Variants in HDAC8 observed in about 807,000 individuals in gnomAD.
HDAC8 encodes the protein histone deacetylase-like 1.
HDAC8 carries 1 observed loss-of-function variant against 32.2 expected under a neutral mutation model. The observed-to-expected ratio is 0.03, with a 90% CI of 0.01 to 0.15. The LOEUF (loss-of-function observed/expected upper bound fraction) is 0.15, where lower values mean the gene tolerates loss of function less well. HDAC8 is among the 10% of genes least tolerant of loss of function. The pLI, the probability that HDAC8 is intolerant of heterozygous loss-of-function variation, is 1.00. For synonymous variants in HDAC8, 108 were observed against 113.9 expected, an observed-to-expected ratio of 0.95 and a Z score of 0.33; for missense variants, 117 against 300.0, an observed-to-expected ratio of 0.39 and a Z score of 4.51.
chrX:72,353,337 A>G (rs951592409), intron 9 of HDAC8, among the ~76,000 whole-genome samples: 1 of 112,276 alleles, frequency 8.9e-6, no homozygotes, highest in Admixed American at 9.4e-5. Flanking sequence ...GCCAATGTTT[A>G]TAATGCCCTT....
intron 9 of HDAC8, among the ~76,000 whole-genome samples, chrX:72,413,798 T>G (rs1305075210): frequency 8.9e-6 from 1 of 112,117 alleles, no homozygotes; most frequent in African/African-American, 3.2e-5. Context: ...GTAAGTTTCC[T>G]GAGGCCTCAC....
intron 4 of HDAC8, among the ~76,000 whole-genome samples, chrX:72,504,271 T>G (rs782579415): frequency 8.9e-6 from 1 of 112,168 alleles, no homozygotes; most frequent in South Asian, 3.7e-4. Flanking sequence ...AACCTAGTTC[T>G]AAAACATTTC....
chrX:72,509,523 A>C (rs2147324825), intron 4 of HDAC8, among the ~76,000 whole-genome samples: 1 of 112,264 alleles, frequency 8.9e-6, no homozygotes, highest in South Asian at 3.7e-4. Flanking sequence ...AATATGATAT[A>C]CACATAAAGT....
At chrX:72,362,845 G>T (rs926654163) in intron 9 of HDAC8, among the ~76,000 whole-genome samples, 30 of 111,994 alleles carry the variant, frequency 2.7e-4, no homozygotes, top group Non-Finnish European at 7.5e-5. Flanking sequence ...AAGCCAGAAA[G>T]AGTGGCAGAG....
intron 9 of HDAC8, among the ~76,000 whole-genome samples, chrX:72,368,058 C>G (rs916096891): frequency 1.7e-4 from 19 of 113,099 alleles, no homozygotes; most frequent in African/African-American, 6.1e-4. Context: ...GGCAGGGAAG[C>G]AAAGGTCATG....
At chrX:72,427,602 T>TGGGGGGG (rs58102359) in intron 9 of HDAC8, among the ~76,000 whole-genome samples, 6 of 32,958 alleles carry the variant, frequency 1.8e-4, no homozygotes, top group African/African-American at 2.4e-4. Context: ...TGTTGTGGGG[T>TGGGGGGG]GGGGGGGGGG....
At position 72,567,906 on chromosome X, in the gene HDAC8, C is replaced by T. The variant is rs1479389359; in HGVS notation, c.420G>A (p.Gly140=). The T allele has an allele frequency of 8.3e-7, 1 of 1,209,956 alleles. No individual in the cohort carries two copies. The highest frequency in any genetic ancestry group is 1.7e-5 in the African/African-American group (1 of 57,147). ...TTTCTTACTTCTTTGCATGATGCCA[C>T]CCTCCAGACCAGTTAATTGCTACTT... ...MCKVAINWSG[G]WHHAKKDEAS... Residue 140 remains glycine (G), a synonymous_variant, in exon 4 of 11, where the codon GGG becomes GGA. Transcript: ENST00000373573.
chrX:72,461,544 G>C (rs1043532056), intron 9 of HDAC8, among the ~76,000 whole-genome samples: 1 of 111,444 alleles, frequency 9.0e-6, no homozygotes, highest in Non-Finnish European at 1.9e-5. Context: ...AGTGCTTGTG[G>C]GTTTCTTGAA....
At chrX:72,362,141 G>C (rs2044570840) in intron 9 of HDAC8, among the ~76,000 whole-genome samples, 1 of 111,465 alleles carries the variant, frequency 9.0e-6, no homozygotes, top group Non-Finnish European at 1.9e-5. Flanking sequence ...GTTGGAGGTG[G>C]GGCCTGGTGG....
chrX:72,552,106 A>G (rs1164148993), intron 4 of HDAC8, among the ~76,000 whole-genome samples: 1 of 112,261 alleles, frequency 8.9e-6, no homozygotes. Flanking sequence ...AAGTAATACA[A>G]TCACGTTAGA....
At chrX:72,407,164 G>A (rs2046062293) in intron 9 of HDAC8, among the ~76,000 whole-genome samples, 1 of 112,723 alleles carries the variant, frequency 8.9e-6, no homozygotes, top group Non-Finnish European at 1.9e-5. Flanking sequence ...CTAGAGATGG[G>A]TAGGTTACCC....
At chrX:72,439,523 T>G (rs2047053581) in intron 9 of HDAC8, among the ~76,000 whole-genome samples, 1 of 107,819 alleles carries the variant, frequency 9.3e-6, no homozygotes, top group Non-Finnish European at 1.9e-5. Flanking sequence ...ACTGGCAAAC[T>G]GGATAAAGAG....
Position 72,534,412 on chromosome X carries a change from G to T in HDAC8, c.437+33477C>A, listed in dbSNP as rs782378569. 3.7e-5 allele frequency among the ~76,000 whole-genome samples: 4 copies of T among 107,482 alleles called. No individual in the cohort carries two copies. The Admixed American group carries it at 4.0e-4, about 11-fold the overall frequency. 93.3% of individuals were successfully genotyped at this position (107,482 alleles called of 115,157 possible). A position where few individuals can be genotyped will look rare whatever the true frequency, so the allele number is the denominator to read the frequency against. ...CAACCTCCAACTCCTGGGTTCAAGC[G>T]ATTCTTGTGCCTCAGCCTCCCGAAT... On this transcript the variant is annotated intron_variant, in intron 4 of 10. Transcript: ENST00000373573.
intron 7 of HDAC8, among the ~76,000 whole-genome samples, chrX:72,483,084 T>G (rs1232084038): frequency 8.9e-6 from 1 of 112,001 alleles, no homozygotes; most frequent in Non-Finnish European, 1.9e-5. Flanking sequence ...AAAATGCTTT[T>G]ATTATACTTA....
rs1321975630 is a variant in HDAC8 at position 72,559,526 on chromosome X, C to T, written c.437+8363G>A. On this transcript the variant is annotated intron_variant, in intron 4 of 10. Transcript: ENST00000373573. Reference sequence around the variant, plus strand: ...GAAGTGAGGAGCGTCTCTGCCTGGCCGCCCATCGTCTGGGATGTGAGGAGC... The same window carrying T: ...GAAGTGAGGAGCGTCTCTGCCTGGCTGCCCATCGTCTGGGATGTGAGGAGC... 3.3e-3 allele frequency among the ~76,000 whole-genome samples: 366 copies of T among 110,015 alleles called. 4 individuals are homozygous for T. Among genetic ancestry groups the T allele is most frequent in the Middle Eastern group, 4.8e-3 (1 of 210 alleles).
At chrX:72,399,237 T>G (rs1555966586) in intron 9 of HDAC8, among the ~76,000 whole-genome samples, 2 of 111,799 alleles carry the variant, frequency 1.8e-5, no homozygotes, top group African/African-American at 6.5e-5. Flanking sequence ...TATTAAAGAA[T>G]TCACTCTTTC....
At chrX:72,533,647 T>C (rs369928081) in intron 4 of HDAC8, among the ~76,000 whole-genome samples, 1 of 111,351 alleles carries the variant, frequency 9.0e-6, no homozygotes, top group South Asian at 3.8e-4. Context: ...ATCCAGCAAA[T>C]ATATTAAAAT....
intron 9 of HDAC8, among the ~76,000 whole-genome samples, chrX:72,408,554 G>A (rs186258350): frequency 1.8e-5 from 2 of 111,286 alleles, no homozygotes; most frequent in Admixed American, 9.5e-5. Context: ...ACAGGTATGT[G>A]CTGCCACACC....
rs114715864 is a variant in HDAC8, at chrX:72,507,761, G to A, written c.438-12493C>T. The stretch of plus-strand genomic sequence containing the variant: ...ATGGAAGAGACCAGGTTCTGCAAAC[G>A]TATTTCTGAAAGCACATTTCTGAAA... On this transcript the variant is annotated intron_variant, in intron 4 of 10. Transcript: ENST00000373573. Among the ~76,000 whole-genome samples the A allele has an allele frequency of 7.4e-3, 828 of 112,341 alleles. 12 individuals are homozygous for A. Among genetic ancestry groups the A allele is most frequent in the African/African-American group, 0.025 (781 of 30,985 alleles).
Sources: gnomAD v4.1 joint callset for allele counts (sites outside exome capture counted in the v4.1 genomes callset) on GRCh38, gnomAD v4.1.1 for gene constraint, MANE v1.5 for transcripts, NCBI Gene and HGNC (gene_info 2026-07-23, HGNC 2026-07-21) for gene names.